Variants in TSPAN5 observed in about 807,000 individuals in gnomAD.
The protein encoded by TSPAN5 is tetraspanin-5.
TSPAN5 carries 10 observed loss-of-function variants against 37.1 expected under a neutral mutation model. The ratio of observed to expected loss-of-function variants is 0.27; its 90% CI spans 0.17 to 0.46. The LOEUF (loss-of-function observed/expected upper bound fraction) is 0.46, where lower values mean the gene tolerates loss of function less well. Ranked by LOEUF, TSPAN5 falls within the 20% of genes least tolerant of loss-of-function variation. The probability of loss-of-function intolerance (pLI) is 1.00; values close to 1 mark genes in which losing one functional copy is unlikely to be tolerated. For synonymous variants in TSPAN5, 110 were observed against 118.9 expected, an observed-to-expected ratio of 0.93 and a Z score of 0.48; for missense variants, 195 against 326.6, an observed-to-expected ratio of 0.60 and a Z score of 3.11.
intron 1 of TSPAN5, among the ~76,000 whole-genome samples, chr4:98,559,562 T>G (rs1264253805): frequency 6.6e-6 from 1 of 152,202 alleles, no homozygotes; most frequent in East Asian, 1.9e-4. Flanking sequence ...ACTTTTTTAT[T>G]ATCATTAGTT....
At chr4:98,654,937 C>T (rs906908484) in intron 1 of TSPAN5, among the ~76,000 whole-genome samples, 3 of 152,162 alleles carry the variant, frequency 2.0e-5, no homozygotes, top group Admixed American at 1.3e-4. Flanking sequence ...ATCTCCACCT[C>T]CCGGGTTCAA....
intron 1 of TSPAN5, among the ~76,000 whole-genome samples, chr4:98,652,031 AT>A (rs147104063): frequency 6.0e-5 from 9 of 150,390 alleles, no homozygotes; most frequent in South Asian, 4.2e-4. Flanking sequence ...TTAATTTTTA[AT>A]TTTTTTTTGT....
chr4:98,527,470 G>T (rs1441055797), intron 1 of TSPAN5, among the ~76,000 whole-genome samples: 4 of 152,114 alleles, frequency 2.6e-5, no homozygotes, highest in Non-Finnish European at 5.9e-5. Context: ...TTCAGTGAAG[G>T]TTCTTATTTC....
chr4:98,637,734 C>T (rs1029401195), intron 1 of TSPAN5, among the ~76,000 whole-genome samples: 2 of 152,064 alleles, frequency 1.3e-5, no homozygotes, highest in Non-Finnish European at 2.9e-5. Context: ...AACAAATGTC[C>T]CCACTTGGCT....
At chr4:98,512,972 C>T (rs551809964) in intron 1 of TSPAN5, among the ~76,000 whole-genome samples, 1 of 152,230 alleles carries the variant, frequency 6.6e-6, no homozygotes, top group African/African-American at 2.4e-5. Context: ...GCCAAAGAAA[C>T]TATAACAGGG....
intron 1 of TSPAN5, among the ~76,000 whole-genome samples, chr4:98,613,507 C>G (rs1756249885): frequency 6.6e-6 from 1 of 152,162 alleles, no homozygotes; most frequent in African/African-American, 2.4e-5. Flanking sequence ...CCATTTTACC[C>G]ATAATCCTGT....
chr4:98,619,554 G>A (rs1199316485), intron 1 of TSPAN5, among the ~76,000 whole-genome samples: 1 of 152,104 alleles, frequency 6.6e-6, no homozygotes, highest in African/African-American at 2.4e-5. Context: ...CAGCTACTGT[G>A]CTAGCTGCTG....
At chr4:98,515,113 A>C (rs772688480) in intron 1 of TSPAN5, among the ~76,000 whole-genome samples, 13 of 152,162 alleles carry the variant, frequency 8.5e-5, no homozygotes, top group Non-Finnish European at 1.3e-4. Context: ...GAAAGTCTGG[A>C]GGCACAGCCA....
At chr4:98,564,961 C>T (rs1448369056) in intron 1 of TSPAN5, among the ~76,000 whole-genome samples, 2 of 152,182 alleles carry the variant, frequency 1.3e-5, no homozygotes, top group African/African-American at 4.8e-5. Flanking sequence ...CAACTGAAGC[C>T]TTTTTGTCCT....
At chr4:98,493,524 GAA>G (rs947923080) in intron 2 of TSPAN5, among the ~76,000 whole-genome samples, 2 of 152,326 alleles carry the variant, frequency 1.3e-5, no homozygotes, top group African/African-American at 4.8e-5. Flanking sequence ...AGCAGAAACA[GAA>G]AGATTCAGAA....
In TSPAN5 at chr4:98,476,136, G is replaced by A. The variant is rs968564226; in HGVS notation, c.741+53C>T. The A allele has an allele frequency of 3.6e-6, 5 of 1,386,072 alleles. No individual in the cohort carries two copies. The African/African-American group carries it at 7.1e-5, about 20-fold the overall frequency. The allele number at this position is 1,386,072 out of a possible 1,614,324, so 85.9% of individuals were successfully genotyped here. The stretch of plus-strand genomic sequence containing the variant: ...AAGCAAAGCTCCGATCCTGGCAAGG[G>A]CTCTCCCAGGGCATTATTTCCCTGT... On this transcript the variant is annotated intron_variant, in intron 7 of 7. Coordinates refer to ENST00000305798, the MANE Select transcript of TSPAN5 (RefSeq NM_005723.4).
At chr4:98,542,692 C>T (rs1254604610) in intron 1 of TSPAN5, among the ~76,000 whole-genome samples, 2 of 146,318 alleles carry the variant, frequency 1.4e-5, no homozygotes, top group African/African-American at 2.5e-5. Context: ...GCACTTTAGC[C>T]TGGGTGACAG....
At chr4:98,515,512 GCTCTCT>G (rs59536964) in intron 1 of TSPAN5, among the ~76,000 whole-genome samples, 9 of 146,742 alleles carry the variant, frequency 6.1e-5, no homozygotes, top group Admixed American at 2.0e-4. Context: ...GTGATCAGAG[GCTCTCT>G]CTCTCTCTCT....
chr4:98,489,883 T>C (rs1753049041), intron 2 of TSPAN5, among the ~76,000 whole-genome samples: 1 of 152,064 alleles, frequency 6.6e-6, no homozygotes, highest in Admixed American at 6.5e-5. Context: ...CCCGCCACCA[T>C]CTTGGGAGCT....
intron 1 of TSPAN5, among the ~76,000 whole-genome samples, chr4:98,557,356 GCTA>G (rs1754774110): frequency 6.6e-6 from 1 of 152,146 alleles, no homozygotes; most frequent in Non-Finnish European, 1.5e-5. Flanking sequence ...CTTCTGGCGT[GCTA>G]CTAAGAACAC....
chr4:98,653,403 G>C (rs1254943023), intron 1 of TSPAN5, among the ~76,000 whole-genome samples: 1 of 152,136 alleles, frequency 6.6e-6, no homozygotes, highest in East Asian at 1.9e-4. Context: ...TATCAAAAGA[G>C]AAAGTTGGCC....
At chr4:98,561,037 C>G (rs1754871800) in intron 1 of TSPAN5, among the ~76,000 whole-genome samples, 1 of 152,226 alleles carries the variant, frequency 6.6e-6, no homozygotes, top group South Asian at 2.1e-4. Context: ...TTTCTGGTCA[C>G]CCAGCTAGAC....
intron 1 of TSPAN5, among the ~76,000 whole-genome samples, chr4:98,651,776 C>T (rs1757190263): frequency 6.6e-6 from 1 of 150,620 alleles, no homozygotes; most frequent in Non-Finnish European, 1.5e-5. Context: ...AGGCACGATA[C>T]AATGGAGAAT....
intron 1 of TSPAN5, among the ~76,000 whole-genome samples, chr4:98,608,973 G>A (rs1357616651): frequency 6.6e-6 from 1 of 152,162 alleles, no homozygotes; most frequent in African/African-American, 2.4e-5. Flanking sequence ...TCTGCTTACT[G>A]AGCAAGGTAT....
Sources: allele counts gnomAD v4.1 joint callset (sites outside exome capture counted in the v4.1 genomes callset), GRCh38; gene constraint gnomAD v4.1.1; transcripts MANE v1.5; gene names NCBI Gene and HGNC (gene_info 2026-07-23, HGNC 2026-07-21).